Variants in ZFPM2 observed in about 807,000 individuals in gnomAD.
The protein encoded by ZFPM2 is zinc finger protein ZFPM2.
Under a neutral mutation model 98.6 loss-of-function variants are expected in ZFPM2, and 20 were observed. The ratio of observed to expected loss-of-function variants is 0.20; its 90% CI spans 0.14 to 0.29. The LOEUF (loss-of-function observed/expected upper bound fraction) is 0.29, where lower values mean the gene tolerates loss of function less well. Among genes scored for constraint, ZFPM2 ranks in the 10% least tolerant of loss-of-function variants. The pLI, the probability that ZFPM2 is intolerant of heterozygous loss-of-function variation, is 1.00. For missense variants in ZFPM2, 1,310 were observed against 1,388.6 expected, an observed-to-expected ratio of 0.94 and a Z score of 0.90; for synonymous variants, 518 against 502.7, an observed-to-expected ratio of 1.03 and a Z score of -0.41.
At chr8:105,414,292 C>T (rs1348861869) in intron 1 of ZFPM2, among the ~76,000 whole-genome samples, 6 of 151,902 alleles carry the variant, frequency 3.9e-5, no homozygotes, top group Non-Finnish European at 8.8e-5. Flanking sequence ...TTTCTTTCCC[C>T]TATTAATACA....
chr8:105,556,848 G>C (rs1208270223), intron 3 of ZFPM2, among the ~76,000 whole-genome samples: 1 of 151,578 alleles, frequency 6.6e-6, no homozygotes, highest in Middle Eastern at 3.2e-3. Context: ...TCAGCCTCCC[G>C]AGTAGTTGGG....
intron 1 of ZFPM2, among the ~76,000 whole-genome samples, chr8:105,386,791 A>G (rs542282244): frequency 6.8e-4 from 103 of 152,220 alleles, no homozygotes; most frequent in Admixed American, 2.7e-3. Context: ...GTCCGTTTTG[A>G]CAGGGTGCTG....
At chr8:105,494,514 C>G (rs565975366) in intron 3 of ZFPM2, among the ~76,000 whole-genome samples, 25 of 152,130 alleles carry the variant, frequency 1.6e-4, no homozygotes, top group Middle Eastern at 3.4e-3. Context: ...ATGTCCATGA[C>G]TTCCTTTCCA....
chr8:105,742,491 G>GAA (rs1812242393), intron 5 of ZFPM2, among the ~76,000 whole-genome samples: 1 of 151,728 alleles, frequency 6.6e-6, no homozygotes, highest in Admixed American at 6.6e-5. Flanking sequence ...TTAGATAAGA[G>GAA]AGGGTCGTGA....
chr8:105,681,741 A>T (rs73301265), intron 5 of ZFPM2, among the ~76,000 whole-genome samples: 84 of 152,270 alleles, frequency 5.5e-4, no homozygotes, highest in African/African-American at 2.0e-3. Context: ...TAGTGTCAGA[A>T]TATACTTATA....
At chr8:105,597,815 A>G (rs1426706730) in intron 4 of ZFPM2, among the ~76,000 whole-genome samples, 4 of 152,086 alleles carry the variant, frequency 2.6e-5, no homozygotes, top group Non-Finnish European at 5.9e-5. Context: ...TCATTTGGGA[A>G]TGATAGTGAA....
chr8:105,723,771 G>A (rs895778620), intron 5 of ZFPM2, among the ~76,000 whole-genome samples: 2 of 151,768 alleles, frequency 1.3e-5, no homozygotes, highest in African/African-American at 2.4e-5. Flanking sequence ...GAGTTAGCCC[G>A]TTCCTTTCTG....
At chr8:105,755,551 T>G (rs1812579066) in intron 5 of ZFPM2, among the ~76,000 whole-genome samples, 1 of 152,138 alleles carries the variant, frequency 6.6e-6, no homozygotes, top group Non-Finnish European at 1.5e-5. Context: ...TTTTAATGAC[T>G]GAAGTGTGTT....
chr8:105,702,016 T>C (rs1424722122), intron 5 of ZFPM2, among the ~76,000 whole-genome samples: 1 of 152,204 alleles, frequency 6.6e-6, no homozygotes, highest in East Asian at 1.9e-4. Flanking sequence ...TTGGATTGTG[T>C]GACATTTCAC....
chr8:105,339,660 T>C (rs1468065597), intron 1 of ZFPM2, among the ~76,000 whole-genome samples: 1 of 151,898 alleles, frequency 6.6e-6, no homozygotes, highest in African/African-American at 2.4e-5. Flanking sequence ...AAAATCATGC[T>C]AGTAGTTAGA....
chr8:105,572,554 G>A (rs1418414791), intron 4 of ZFPM2, among the ~76,000 whole-genome samples: 2 of 151,376 alleles, frequency 1.3e-5, no homozygotes, highest in East Asian at 3.9e-4. Flanking sequence ...CACAACCTCC[G>A]CCTCCCAGGT....
intron 3 of ZFPM2, among the ~76,000 whole-genome samples, chr8:105,483,946 G>C (rs1220469846): frequency 6.6e-6 from 1 of 151,626 alleles, no homozygotes; most frequent in Non-Finnish European, 1.5e-5. Flanking sequence ...GTGTTATCCA[G>C]GATGGTCTCG....
intron 4 of ZFPM2, among the ~76,000 whole-genome samples, chr8:105,591,124 A>G (rs1474064177): frequency 6.6e-6 from 1 of 152,108 alleles, no homozygotes; most frequent in African/African-American, 2.4e-5. Context: ...AAAAAAAGTA[A>G]ATATAGACTA....
rs115840121 is a variant in ZFPM2 at position 105,447,231 on chromosome 8, G to A, written c.301+2850G>A. Reference sequence around the variant, plus strand: ...AAAAATTAATAAAAAAATAAAATAGGCTTTAGATTCCATGGGTTTAGGTTC... The same window carrying A: ...AAAAATTAATAAAAAAATAAAATAGACTTTAGATTCCATGGGTTTAGGTTC... On this transcript the variant is annotated intron_variant, in intron 3 of 7. Transcript: ENST00000407775. Among the ~76,000 whole-genome samples the A allele has an allele frequency of 6.2e-3, 935 of 151,000 alleles. 9 individuals carry two copies. Among genetic ancestry groups the A allele is most frequent in the African/African-American group, 0.022 (896 of 41,172 alleles).
intron 5 of ZFPM2, among the ~76,000 whole-genome samples, chr8:105,783,349 TG>T (rs1489908533): frequency 6.7e-6 from 1 of 148,668 alleles, no homozygotes; most frequent in African/African-American, 2.5e-5. Flanking sequence ...TGTTTTGTAG[TG>T]AAAAAAAAAA....
intron 1 of ZFPM2, among the ~76,000 whole-genome samples, chr8:105,347,723 A>G (rs1453086087): frequency 6.6e-6 from 1 of 152,098 alleles, no homozygotes; most frequent in Non-Finnish European, 1.5e-5. Flanking sequence ...CCATTCCATT[A>G]TGTTTTCTTA....
chr8:105,513,002 G>T (rs1813847885), intron 3 of ZFPM2, among the ~76,000 whole-genome samples: 1 of 151,958 alleles, frequency 6.6e-6, no homozygotes, highest in Admixed American at 6.6e-5. Flanking sequence ...TATTATTCTA[G>T]TTTGTTTTAA....
intron 1 of ZFPM2, among the ~76,000 whole-genome samples, chr8:105,381,508 T>TC (rs1206342573): frequency 2.0e-5 from 3 of 152,014 alleles, no homozygotes; most frequent in African/African-American, 7.2e-5. Flanking sequence ...TTGTGAACTC[T>TC]CCCCCAAAAC....
chr8:105,468,260 C>T (rs561922251), intron 3 of ZFPM2, among the ~76,000 whole-genome samples: 47 of 152,170 alleles, frequency 3.1e-4, no homozygotes, highest in Middle Eastern at 6.8e-3. Context: ...GCCATTTTCT[C>T]TCTTTGCTCT....
Sources: gnomAD v4.1 joint callset for allele counts (sites outside exome capture counted in the v4.1 genomes callset) on GRCh38, gnomAD v4.1.1 for gene constraint, MANE v1.5 for transcripts, NCBI Gene and HGNC (gene_info 2026-07-23, HGNC 2026-07-21) for gene names.